The following CNTNAP2 variants were observed in gnomAD, a reference collection of about 807,000 sequenced individuals.
CNTNAP2 encodes the protein contactin associated protein 2, also known as contactin-associated protein-like 2.
CNTNAP2 carries 98 observed loss-of-function variants against 155.2 expected under a neutral mutation model. The observed-to-expected ratio is 0.63, with a 90% confidence interval of 0.54 to 0.75. The LOEUF (loss-of-function observed/expected upper bound fraction) is 0.75, where lower values mean the gene tolerates loss of function less well. Ranked by LOEUF, CNTNAP2 falls within the 30% of genes least tolerant of loss-of-function variation. CNTNAP2 has a pLI of 0.00. For missense variants in CNTNAP2, 1,727 were observed against 1,688.1 expected (o/e 1.02, Z -0.40); for synonymous variants, 651 against 631.2 (o/e 1.03, Z -0.47).
intron 10 of CNTNAP2, among the ~76,000 whole-genome samples, chr7:147,460,680 TG>T (rs1169890758): frequency 6.6e-6 from 1 of 151,900 alleles, no homozygotes; most frequent in East Asian, 1.9e-4. Context: ...AGTTTTGCTT[TG>T]TTTTTTGCAG....
At chr7:146,532,570 G>T (rs948582069) in intron 1 of CNTNAP2, among the ~76,000 whole-genome samples, 1 of 152,078 alleles carries the variant, frequency 6.6e-6, no homozygotes, top group South Asian at 2.1e-4. Context: ...CATGGGGTCT[G>T]TTGGCACAAC....
intron 20 of CNTNAP2, among the ~76,000 whole-genome samples, chr7:148,238,184 A>C (rs1242332782): frequency 1.3e-5 from 2 of 152,166 alleles, no homozygotes; most frequent in African/African-American, 4.8e-5. Context: ...CCCCATCTCT[A>C]CTAAAAATAC....
intron 9 of CNTNAP2, among the ~76,000 whole-genome samples, chr7:147,324,163 G>A (rs1166910723): frequency 6.6e-6 from 1 of 152,114 alleles, no homozygotes; most frequent in Non-Finnish European, 1.5e-5. Context: ...GAAGTAAGGT[G>A]TATTAGGTGA....
intron 21 of CNTNAP2, among the ~76,000 whole-genome samples, chr7:148,368,767 G>A (rs1195993279): frequency 6.6e-6 from 1 of 152,166 alleles, no homozygotes; most frequent in Non-Finnish European, 1.5e-5. Context: ...GATCTATTGA[G>A]CAAGCAGGGG....
intron 21 of CNTNAP2, among the ~76,000 whole-genome samples, chr7:148,305,762 A>G (rs1461647759): frequency 6.6e-6 from 1 of 152,154 alleles, no homozygotes; most frequent in African/African-American, 2.4e-5. Context: ...ATCCGCCCCC[A>G]TGATCCAATC....
intron 8 of CNTNAP2, among the ~76,000 whole-genome samples, chr7:147,205,136 C>T (rs1802996399): frequency 6.6e-6 from 1 of 152,084 alleles, no homozygotes; most frequent in Non-Finnish European, 1.5e-5. Flanking sequence ...TTTTGGGTTA[C>T]ATGAATGAAT....
chr7:147,646,984 C>CT (rs370340266), intron 13 of CNTNAP2, among the ~76,000 whole-genome samples: 16,265 of 140,548 alleles, frequency 0.12, 1,167 homozygotes, highest in Middle Eastern at 0.17. Flanking sequence ...ATTATGTTCA[C>CT]TTTTTTTTTT....
intron 3 of CNTNAP2, among the ~76,000 whole-genome samples, chr7:147,013,470 C>T (rs192661820): frequency 7.0e-4 from 107 of 152,208 alleles, no homozygotes; most frequent in African/African-American, 2.5e-3. Context: ...ACAAAATATA[C>T]TGTCCCTAAA....
intron 1 of CNTNAP2, among the ~76,000 whole-genome samples, chr7:146,171,328 T>C (rs1798386689): frequency 6.6e-6 from 1 of 152,170 alleles, no homozygotes; most frequent in Non-Finnish European, 1.5e-5. Context: ...GCAAATTTAA[T>C]TGTATTTCTT....
intron 14 of CNTNAP2, among the ~76,000 whole-genome samples, chr7:147,904,638 T>C (rs1215030669): frequency 6.6e-6 from 1 of 152,166 alleles, no homozygotes; most frequent in Non-Finnish European, 1.5e-5. Context: ...CAAGACAAAT[T>C]CATTCCACCA....
chr7:147,003,675 G>T (rs1330750776), intron 3 of CNTNAP2, among the ~76,000 whole-genome samples: 1 of 151,884 alleles, frequency 6.6e-6, no homozygotes, highest in African/African-American at 2.4e-5. Context: ...AGTGGATAAT[G>T]GTGATTTTGA....
chr7:146,188,121 A>G (rs1179475688), intron 1 of CNTNAP2, among the ~76,000 whole-genome samples: 1 of 152,204 alleles, frequency 6.6e-6, no homozygotes, highest in Non-Finnish European at 1.5e-5. Flanking sequence ...CACAAATGAC[A>G]AAGGAAAACT....
chr7:147,425,287 G>C (rs1041002713), intron 10 of CNTNAP2, among the ~76,000 whole-genome samples: 8 of 149,992 alleles, frequency 5.3e-5, no homozygotes, highest in Non-Finnish European at 1.0e-4. Context: ...AAAAATCACT[G>C]TTCAGGATTG....
At position 147,460,703 on chromosome 7, in the gene CNTNAP2, A is replaced by G. The variant is rs112081221; in HGVS notation, c.1671-25232A>G. 7.9e-3 allele frequency among the ~76,000 whole-genome samples: 1,206 copies of G among 152,230 alleles called. 13 individuals are homozygous for G. Among genetic ancestry groups the G allele is most frequent in the African/African-American group, 0.028 (1,148 of 41,538 alleles). The stretch of plus-strand genomic sequence containing the variant: ...TTTGTTTTTTGCAGTTTATTTCCCT[A>G]TGTGAGTTTCATTTAAAGGAAATTG... On this transcript the variant is annotated intron_variant, in intron 10 of 23. Transcript: ENST00000361727.
chr7:147,904,048 C>T (rs528396751), intron 14 of CNTNAP2, among the ~76,000 whole-genome samples: 4 of 152,110 alleles, frequency 2.6e-5, no homozygotes, highest in South Asian at 4.2e-4. Context: ...TGGCTGGGGG[C>T]GGGAAGCCAG....
chr7:147,143,411 ATGATTTATTAT>A (rs1801639707), intron 8 of CNTNAP2, among the ~76,000 whole-genome samples: 3 of 152,188 alleles, frequency 2.0e-5, no homozygotes, highest in African/African-American at 7.2e-5. Context: ...TTTGTTTGAC[ATGATTTATTAT>A]ATTGTTAAGA....
At chr7:148,092,891 AAAAAAAAAC>A (rs1803874954) in intron 15 of CNTNAP2, among the ~76,000 whole-genome samples, 1 of 151,206 alleles carries the variant, frequency 6.6e-6, no homozygotes, top group South Asian at 2.1e-4. Flanking sequence ...AAAAAAAAAA[AAAAAAAAAC>A]AACCACAAAG....
At chr7:146,861,330 G>C (rs1056489299) in intron 3 of CNTNAP2, among the ~76,000 whole-genome samples, 8 of 152,062 alleles carry the variant, frequency 5.3e-5, no homozygotes, top group Non-Finnish European at 1.2e-4. Flanking sequence ...TGGGACTATA[G>C]GCATGAGTGT....
At chr7:146,200,542 A>ATG (rs1554402389) in intron 1 of CNTNAP2, among the ~76,000 whole-genome samples, 1 of 5,448 alleles carries the variant, frequency 1.8e-4, no homozygotes, top group Non-Finnish European at 7.4e-3. Context: ...ACACACACAC[A>ATG]TATATATACT....
Sources: gnomAD v4.1 joint callset for allele counts (sites outside exome capture counted in the v4.1 genomes callset) on GRCh38, gnomAD v4.1.1 for gene constraint, MANE v1.5 for transcripts, NCBI Gene and HGNC (gene_info 2026-07-23, HGNC 2026-07-21) for gene names.